Variants in LRRTM4 observed in about 807,000 individuals in gnomAD.
The protein encoded by LRRTM4 is leucine rich repeat transmembrane neuronal 4, also known as leucine-rich repeat transmembrane neuronal protein 4.
Under a neutral mutation model 47.6 loss-of-function variants are expected in LRRTM4, and 25 were observed. The observed-to-expected ratio is 0.53, with a 90% CI of 0.38 to 0.73. LRRTM4 has a LOEUF of 0.73. Ranked by LOEUF, LRRTM4 falls within the 30% of genes least tolerant of loss-of-function variation. The probability of loss-of-function intolerance (pLI) is 0.00; values close to 1 mark genes in which losing one functional copy is unlikely to be tolerated. For synonymous variants in LRRTM4, 311 were observed against 269.5 expected (o/e 1.15, Z -1.51); for missense variants, 638 against 713.4 (o/e 0.89, Z 1.20).
Position 76,808,543 on chromosome 2 carries a change from CTT to C in LRRTM4, c.1552-59629_1552-59628del, listed in dbSNP as rs530685520. On this transcript the variant is annotated intron_variant, in intron 3 of 3. Coordinates refer to ENST00000409884, the MANE Select transcript of LRRTM4 (RefSeq NM_001134745.3). The stretch of plus-strand genomic sequence containing the variant: ...ACACAATCACAATTTTGGGGGTTGT[CTT>C]TTATTTATTGATGCAAATATATAAT... 1.6e-4 allele frequency among the ~76,000 whole-genome samples: 24 copies of C among 151,916 alleles called. No individual in the cohort carries two copies. In the South Asian group the frequency reaches 4.6e-3, roughly 29 times the overall value.
chr2:77,498,610 T>C (rs1558771408), intron 3 of LRRTM4, among the ~76,000 whole-genome samples: 1 of 151,790 alleles, frequency 6.6e-6, no homozygotes, highest in Non-Finnish European at 1.5e-5. Flanking sequence ...GTGGGTGCTA[T>C]ATGTGTTTCC....
chr2:77,228,403 A>G (rs1674871948), intron 3 of LRRTM4, among the ~76,000 whole-genome samples: 1 of 152,100 alleles, frequency 6.6e-6, no homozygotes, highest in Admixed American at 6.6e-5. Context: ...TCACTCAGCA[A>G]AGGAATGGGT....
At chr2:77,415,488 T>C (rs1163160093) in intron 3 of LRRTM4, among the ~76,000 whole-genome samples, 1 of 152,174 alleles carries the variant, frequency 6.6e-6, no homozygotes, top group East Asian at 1.9e-4. Context: ...TTAAATTCCA[T>C]GGATCAATTA....
intron 3 of LRRTM4, among the ~76,000 whole-genome samples, chr2:76,996,652 A>G (rs1013451607): frequency 3.9e-5 from 6 of 152,168 alleles, no homozygotes; most frequent in Non-Finnish European, 2.9e-5. Flanking sequence ...TGTCATAAGC[A>G]TTTATGACCA....
intron 3 of LRRTM4, among the ~76,000 whole-genome samples, chr2:77,429,610 A>T (rs1268756424): frequency 6.6e-6 from 1 of 152,222 alleles, no homozygotes; most frequent in African/African-American, 2.4e-5. Context: ...ACAGAAAGAA[A>T]AATACCACAT....
chr2:77,332,171 T>G (rs1432800620), intron 3 of LRRTM4, among the ~76,000 whole-genome samples: 1 of 152,216 alleles, frequency 6.6e-6, no homozygotes, highest in Non-Finnish European at 1.5e-5. Flanking sequence ...TCTTCAAAAT[T>G]CAATCTAGTA....
At chr2:76,887,995 A>G (rs933355446) in intron 3 of LRRTM4, among the ~76,000 whole-genome samples, 2 of 150,542 alleles carry the variant, frequency 1.3e-5, no homozygotes, top group African/African-American at 4.9e-5. Flanking sequence ...TATACTCTTA[A>G]TATCTGTAAA....
intron 3 of LRRTM4, among the ~76,000 whole-genome samples, chr2:77,218,021 T>C (rs1323213382): frequency 6.6e-6 from 1 of 152,190 alleles, no homozygotes; most frequent in African/African-American, 2.4e-5. Context: ...AGTTTCACTC[T>C]TATTGCCCTA....
At chr2:77,472,120 G>A (rs10194031) in intron 3 of LRRTM4, among the ~76,000 whole-genome samples, 136,318 of 152,104 alleles carry the variant, frequency 0.9, 61,158 homozygotes, top group South Asian at 0.93. Context: ...ACCTTTTTAC[G>A]TTTTTGTGCT....
intron 3 of LRRTM4, among the ~76,000 whole-genome samples, chr2:77,237,724 C>T (rs924563272): frequency 6.6e-6 from 1 of 152,064 alleles, no homozygotes; most frequent in Admixed American, 6.6e-5. Context: ...TGGAATAAAT[C>T]TGGAGAAAGG....
At chr2:77,108,541 G>A (rs897227497) in intron 3 of LRRTM4, among the ~76,000 whole-genome samples, 4 of 150,516 alleles carry the variant, frequency 2.7e-5, no homozygotes, top group African/African-American at 9.8e-5. Context: ...TCTATTTTAA[G>A]AAATAGTTAT....
intron 3 of LRRTM4, among the ~76,000 whole-genome samples, chr2:77,045,367 C>T (rs1437615339): frequency 6.6e-6 from 1 of 151,884 alleles, no homozygotes; most frequent in Non-Finnish European, 1.5e-5. Context: ...AGCTGAAGTA[C>T]TATGAAACTG....
chr2:76,981,136 A>G (rs959758141), intron 3 of LRRTM4, among the ~76,000 whole-genome samples: 8 of 152,126 alleles, frequency 5.3e-5, no homozygotes, highest in African/African-American at 1.9e-4. Context: ...TTGTTGTTAC[A>G]CTAAAAAGTG....
At chr2:76,794,074 G>T (rs143795950) in intron 3 of LRRTM4, among the ~76,000 whole-genome samples, 171 of 152,274 alleles carry the variant, frequency 1.1e-3, no homozygotes, top group African/African-American at 4.0e-3. Context: ...AATTGTAAAA[G>T]CGGTTGTCAG....
At chr2:77,236,066 G>A (rs1486407977) in intron 3 of LRRTM4, among the ~76,000 whole-genome samples, 1 of 152,004 alleles carries the variant, frequency 6.6e-6, no homozygotes, top group Non-Finnish European at 1.5e-5. Context: ...AATGATGTTG[G>A]TAATTTGATA....
intron 3 of LRRTM4, among the ~76,000 whole-genome samples, chr2:77,184,777 A>G (rs899167276): frequency 6.6e-6 from 1 of 152,190 alleles, no homozygotes; most frequent in African/African-American, 2.4e-5. Context: ...TTAATCAGAA[A>G]GAACGTTCAA....
At chr2:77,506,190 G>A (rs939249385) in intron 3 of LRRTM4, among the ~76,000 whole-genome samples, 3 of 151,506 alleles carry the variant, frequency 2.0e-5, no homozygotes, top group Non-Finnish European at 3.0e-5. Context: ...AGAATTTTAC[G>A]TTAGTATTAA....
chr2:77,413,219 AAC>A (rs1674507296), intron 3 of LRRTM4, among the ~76,000 whole-genome samples: 1 of 152,144 alleles, frequency 6.6e-6, no homozygotes, highest in African/African-American at 2.4e-5. Flanking sequence ...AAATGGCTTG[AAC>A]TAAAACGAAA....
At chr2:76,839,182 G>T (rs1000313482) in intron 3 of LRRTM4, among the ~76,000 whole-genome samples, 3 of 152,112 alleles carry the variant, frequency 2.0e-5, no homozygotes, top group Non-Finnish European at 2.9e-5. Flanking sequence ...AAAATAAGAA[G>T]TGCTCTCCAA....
Sources: allele counts gnomAD v4.1 joint callset (sites outside exome capture counted in the v4.1 genomes callset), GRCh38; gene constraint gnomAD v4.1.1; transcripts MANE v1.5; gene names NCBI Gene and HGNC (gene_info 2026-07-23, HGNC 2026-07-21).